Variants in CTNNA3 observed in about 807,000 individuals in gnomAD.
CTNNA3 encodes the protein catenin alpha 3.
CTNNA3 carries 76 observed loss-of-function variants against 95.7 expected under a neutral mutation model. That is an observed-to-expected ratio of 0.79 (90% CI 0.66 to 0.96). The LOEUF (loss-of-function observed/expected upper bound fraction) is 0.96. Among genes scored for constraint, CTNNA3 ranks in the 40% least tolerant of loss-of-function variants. CTNNA3 has a pLI of 0.00. For missense variants in CTNNA3, 1,191 were observed against 1,089.8 expected (o/e 1.09, Z -1.31); for synonymous variants, 431 against 374.4 (o/e 1.15, Z -1.74).
chr10:66,472,996 C>A (rs1387661517), intron 11 of CTNNA3, among the ~76,000 whole-genome samples: 1 of 151,964 alleles, frequency 6.6e-6, no homozygotes, highest in Non-Finnish European at 1.5e-5. Flanking sequence ...TCCCACTTTG[C>A]AAACTTTCTC....
chr10:66,941,038 A>G (rs929721850), intron 7 of CTNNA3, among the ~76,000 whole-genome samples: 2 of 152,352 alleles, frequency 1.3e-5, no homozygotes, highest in East Asian at 1.9e-4. Flanking sequence ...AGAAAGCCCA[A>G]CATACTCTTA....
intron 10 of CTNNA3, among the ~76,000 whole-genome samples, chr10:66,615,403 TAA>T (rs1844476570): frequency 1.3e-5 from 2 of 152,014 alleles, no homozygotes; most frequent in Admixed American, 6.6e-5. Flanking sequence ...TTAAGTCACC[TAA>T]ATTAGTACTT....
chr10:66,672,350 A>G (rs566199944), intron 9 of CTNNA3, among the ~76,000 whole-genome samples: 1 of 152,260 alleles, frequency 6.6e-6, no homozygotes, highest in East Asian at 1.9e-4. Flanking sequence ...TACGGAGTTC[A>G]CAGTCTTGCA....
intron 5 of CTNNA3, among the ~76,000 whole-genome samples, chr10:67,228,267 G>T (rs1865021678): frequency 6.6e-6 from 1 of 152,076 alleles, no homozygotes; most frequent in South Asian, 2.1e-4. Flanking sequence ...AATAAAATTG[G>T]TTAGCAAGAC....
intron 7 of CTNNA3, among the ~76,000 whole-genome samples, chr10:67,032,586 C>T (rs991556988): frequency 6.6e-6 from 1 of 152,138 alleles, no homozygotes; most frequent in African/African-American, 2.4e-5. Context: ...AGGTATTAAG[C>T]ATCAGACAGA....
chr10:66,017,198 T>A (rs1589253341), intron 15 of CTNNA3, among the ~76,000 whole-genome samples: 1 of 152,190 alleles, frequency 6.6e-6, no homozygotes, highest in Non-Finnish European at 1.5e-5. Context: ...CAACCAAGAA[T>A]AATTTATAAT....
chr10:66,113,033 G>A (rs1351808895), intron 13 of CTNNA3, among the ~76,000 whole-genome samples: 1 of 152,032 alleles, frequency 6.6e-6, no homozygotes, highest in Non-Finnish European at 1.5e-5. Flanking sequence ...TTTTAATTTT[G>A]AGAAACCTCC....
Position 66,867,324 on chromosome 10 carries a change from A to T in CTNNA3, c.1048-91800T>A, listed in dbSNP as rs74141718. The stretch of plus-strand genomic sequence containing the variant: ...TCTGTCCTGAGGTTCCACAGGGTGG[A>T]CATGCTTTTATTTTGTTTCTATTGA... On this transcript the variant is annotated intron_variant, in intron 7 of 17. Coordinates refer to ENST00000433211, the MANE Select transcript of CTNNA3 (RefSeq NM_013266.4). Among the ~76,000 whole-genome samples, 330 of 152,308 alleles carry T rather than the reference A, an allele frequency of 2.2e-3. 2 individuals carry two copies. The highest frequency in any genetic ancestry group is 7.7e-3 in the African/African-American group (321 of 41,560).
At chr10:67,189,419 A>G (rs1863017505) in intron 6 of CTNNA3, among the ~76,000 whole-genome samples, 1 of 152,090 alleles carries the variant, frequency 6.6e-6, no homozygotes, top group South Asian at 2.1e-4. Context: ...CTTGGTAACT[A>G]TAGTTAATAA....
intron 14 of CTNNA3, among the ~76,000 whole-genome samples, chr10:66,078,291 T>C (rs2080615719): frequency 6.6e-6 from 1 of 151,968 alleles, no homozygotes; most frequent in Non-Finnish European, 1.5e-5. Context: ...ACTGTCATCT[T>C]CCCATTCTCT....
intron 12 of CTNNA3, among the ~76,000 whole-genome samples, chr10:66,341,535 G>A (rs1449739153): frequency 3.9e-5 from 6 of 151,974 alleles, no homozygotes; most frequent in Non-Finnish European, 7.4e-5. Flanking sequence ...TCTTAAATGT[G>A]AGGCTCATCA....
intron 11 of CTNNA3, among the ~76,000 whole-genome samples, chr10:66,408,674 C>T (rs557662542): frequency 3.2e-4 from 48 of 152,260 alleles, no homozygotes; most frequent in African/African-American, 1.2e-3. Flanking sequence ...TACTCTTACT[C>T]TTTAGTGAAT....
At chr10:67,544,844 A>G (rs1348996331) in intron 3 of CTNNA3, among the ~76,000 whole-genome samples, 1 of 152,184 alleles carries the variant, frequency 6.6e-6, no homozygotes, top group Non-Finnish European at 1.5e-5. Flanking sequence ...TAACAAAGCA[A>G]TTCAGAGAAA....
In CTNNA3 at chr10:66,746,841, T is replaced by C. The variant is rs146115969; in HGVS notation, c.1281+19423A>G. On this transcript the variant is annotated intron_variant, in intron 9 of 17. Coordinates refer to ENST00000433211, the MANE Select transcript of CTNNA3 (RefSeq NM_013266.4). ...CAACTTTAAAAATATTCCTTTTCTATGTTGCCAAAAATGGATGCAGTGTGT... is the reference window on the plus strand; with the variant it reads ...CAACTTTAAAAATATTCCTTTTCTACGTTGCCAAAAATGGATGCAGTGTGT... 4.4e-3 allele frequency among the ~76,000 whole-genome samples: 638 copies of C among 146,622 alleles called. 3 individuals carry two copies. Among genetic ancestry groups the C allele is most frequent in the Middle Eastern group, 0.014 (4 of 280 alleles).
intron 7 of CTNNA3, chr10:67,097,818 G>A (rs773150409): frequency 2.5e-6 from 4 of 1,606,154 alleles, no homozygotes; most frequent in East Asian, 2.2e-5. Context: ...GGTAGCCAGG[G>A]GTTGCTACCA....
rs200197590 is a variant in CTNNA3 at position 66,937,980 on chromosome 10, T to C, written c.1048-162456A>G. Among the ~76,000 whole-genome samples the C allele has an allele frequency of 5.9e-5, 9 of 152,230 alleles. No individual in the cohort carries two copies. The East Asian group carries it at 1.7e-3, about 29-fold the overall frequency. ...TTGTATCACGATTTGAGGAAATGGA[T>C]AATCTCTTCTTTTCCTTCTTCTTCC... On this transcript the variant is annotated intron_variant, in intron 7 of 17. Transcript: ENST00000433211.
chr10:67,594,232 T>C lies in CTNNA3; in HGVS notation c.292+12625A>G, dbSNP rs565087570. Among the ~76,000 whole-genome samples the C allele has an allele frequency of 6.2e-4, 94 of 152,316 alleles. 1 individual carries two copies. The highest frequency in any genetic ancestry group is 2.2e-3 in the African/African-American group (92 of 41,568). On this transcript the variant is annotated intron_variant, in intron 3 of 17. Coordinates refer to ENST00000433211, the MANE Select transcript of CTNNA3 (RefSeq NM_013266.4). ...TGAAGTTTTCTTTTATCATTGTGTC[T>C]CTGCCAGGTTTTGGTGTCAGAGTGT...
chr10:67,069,773 A>G (rs1208804365), intron 7 of CTNNA3, among the ~76,000 whole-genome samples: 1 of 152,028 alleles, frequency 6.6e-6, no homozygotes, highest in African/African-American at 2.4e-5. Context: ...CACTCTCACA[A>G]CTGTATACTT....
chr10:67,003,059 AACAAAC>A lies in CTNNA3; in HGVS notation c.1047+177252_1047+177257del, dbSNP rs201340986. Reference sequence around the variant, plus strand: ...GCCATGGTTATGTTCATAGGCCACTAACAAACATATGCAGTCTTTTAGCTACAACAC... The same window carrying A: ...GCCATGGTTATGTTCATAGGCCACTAATATGCAGTCTTTTAGCTACAACAC... On this transcript the variant is annotated intron_variant, in intron 7 of 17. Coordinates refer to ENST00000433211, the MANE Select transcript of CTNNA3 (RefSeq NM_013266.4). Among the ~76,000 whole-genome samples the A allele has an allele frequency of 2.8e-3, 422 of 152,248 alleles. 2 individuals carry two copies. Among genetic ancestry groups the A allele is most frequent in the African/African-American group, 9.3e-3 (387 of 41,556 alleles).
Sources: allele counts gnomAD v4.1 joint callset (sites outside exome capture counted in the v4.1 genomes callset), GRCh38; gene constraint gnomAD v4.1.1; transcripts MANE v1.5; gene names NCBI Gene and HGNC (gene_info 2026-07-23, HGNC 2026-07-21).